ADGRB1: variants seen among roughly 807,000 people sequenced by gnomAD.
The protein encoded by ADGRB1 is adhesion G protein-coupled receptor B1.
In ADGRB1, 36 loss-of-function variants were observed where a neutral mutation model predicts 175.7. The observed-to-expected ratio is 0.20, with a 90% CI of 0.16 to 0.27. ADGRB1 has a LOEUF of 0.27. Ranked by LOEUF, ADGRB1 falls within the 10% of genes least tolerant of loss-of-function variation. The pLI is 1.00. For synonymous variants in ADGRB1, 1,054 were observed against 979.4 expected (o/e 1.08, Z -1.42); for missense variants, 1,731 against 2,255.3 (o/e 0.77, Z 4.71).
chr8:142,480,246 G>A (rs908215622), intron 9 of ADGRB1, among the ~76,000 whole-genome samples: 1 of 152,198 alleles, frequency 6.6e-6, no homozygotes, highest in African/African-American at 2.4e-5. Flanking sequence ...AGGAGTGCAG[G>A]TGCTTTATGT....
At chr8:142,451,011 G>C (rs1286798077) in intron 1 of ADGRB1, among the ~76,000 whole-genome samples, 3 of 152,150 alleles carry the variant, frequency 2.0e-5, no homozygotes, top group Non-Finnish European at 4.4e-5. Context: ...GCGCTAGCTT[G>C]GAGCCGCGCG....
intron 19 of ADGRB1, among the ~76,000 whole-genome samples, chr8:142,518,782 A>G (rs1371322528): frequency 6.6e-6 from 1 of 152,188 alleles, no homozygotes; most frequent in East Asian, 1.9e-4. Context: ...ACGCGCCTCC[A>G]GGCACTCCCC....
intron 9 of ADGRB1, 32 bp from the exon 10 acceptor site, chr8:142,481,222 G>A (rs1235646955): frequency 2.6e-5 from 42 of 1,592,684 alleles, no homozygotes; most frequent in Non-Finnish European, 3.4e-5. Context: ...CAGGCAGCGG[G>A]CATCCACCTG....
At chr8:142,481,467 T>C (rs1373192248) in intron 10 of ADGRB1, 50 bp from the exon 11 acceptor site, 3 of 1,578,776 alleles carry the variant, frequency 1.9e-6, no homozygotes, top group Non-Finnish European at 2.6e-6. Context: ...GGTGGCTGCC[T>C]GGACATGTTC....
Position 142,477,251 on chromosome 8 carries a change from CTGTGCAACAACTCTGCCG to C in ADGRB1, c.1201_1218del (p.Asn401_Cys406del). The C allele has an allele frequency of 6.3e-7, 1 of 1,585,656 alleles. No homozygotes were observed. The highest frequency in any genetic ancestry group is 8.6e-7 in the Non-Finnish European group (1 of 1,167,394). ...CAGCGGACCCCTGCGCGAGCAGCGGCTGTGCAACAACTCTGCCGTGTGCCCAGGTGGGTGGGACCTTGG... is the reference window on the plus strand; with the variant it reads ...CAGCGGACCCCTGCGCGAGCAGCGGCTGTGCCCAGGTGGGTGGGACCTTGG... On this transcript the variant is annotated inframe_deletion, in exon 5 of 31. Transcript: ENST00000517894.
intron 13 of ADGRB1, among the ~76,000 whole-genome samples, chr8:142,487,081 C>T (rs1476373652): frequency 1.3e-5 from 2 of 152,218 alleles, no homozygotes; most frequent in Non-Finnish European, 2.9e-5. Context: ...AACATCAACA[C>T]GACTGATTGC....
Position 142,543,358 on chromosome 8 carries a change from G to A in ADGRB1, c.4414-45G>A, listed in dbSNP as rs768667497. ...CTGAGGCAGGGAGAGGCGTGGACTT[G>A]TCAGGGACCCTTGGCGAATGTTCGC... On this transcript the variant is annotated intron_variant, in intron 28 of 30. Coordinates refer to ENST00000517894, the MANE Select transcript of ADGRB1 (RefSeq NM_001702.3). The surrounding 1 kb of genome is among the most constrained non-coding windows in gnomAD (Gnocchi z 4.4). 1.9e-6 allele frequency: 3 copies of A among 1,611,876 alleles called. No individual in the cohort carries two copies. The highest frequency in any genetic ancestry group is 2.5e-6 in the Non-Finnish European group (3 of 1,178,918).
intron 13 of ADGRB1, among the ~76,000 whole-genome samples, chr8:142,484,986 A>G (rs1398737665): frequency 6.6e-6 from 1 of 152,126 alleles, no homozygotes; most frequent in Non-Finnish European, 1.5e-5. Flanking sequence ...TGGACCTGGG[A>G]GCTCCGTCCC....
In ADGRB1 at chr8:142,484,181, G is replaced by A; in HGVS notation, c.2199+136G>A. 5 of 714,476 alleles carry A rather than the reference G, an allele frequency of 7.0e-6. No individual in the cohort carries two copies. The South Asian group carries it at 7.2e-5, about 10-fold the overall frequency. The allele number at this position is 714,476 out of a possible 1,614,324, so 44.3% of individuals were successfully genotyped here. On this transcript the variant is annotated intron_variant, in intron 12 of 30. Transcript: ENST00000517894. Reference sequence around the variant, plus strand: ...TTGGATCTCAGGATGGTCTCTTGCTGGTGTTGGCAGCACTGAGGAAGCTCA... The same window carrying A: ...TTGGATCTCAGGATGGTCTCTTGCTAGTGTTGGCAGCACTGAGGAAGCTCA...
Position 142,455,583 on chromosome 8 carries a change from G to A in ADGRB1, c.-220+5479G>A, listed in dbSNP as rs1316775123. On this transcript the variant is annotated intron_variant, in intron 1 of 30. Transcript: ENST00000517894. The surrounding 1 kb of genome is among the most constrained non-coding windows in gnomAD (Gnocchi z 4.9). ...GTCAGGAGGACCCAGGGATTACTGG[G>A]AGCTCAGAGACTGGGGTGGACCTTG... is the stretch of plus-strand genomic sequence containing the variant. Among the ~76,000 whole-genome samples, 1 of 152,206 alleles carries A rather than the reference G, an allele frequency of 6.6e-6. No individual in the cohort carries two copies. The highest frequency in any genetic ancestry group is 1.5e-5 in the Non-Finnish European group (1 of 68,040).
At chr8:142,521,693 AGGCCCCTGGCTTAGCATTTGGTGT>A (rs1843859029) in intron 20 of ADGRB1, among the ~76,000 whole-genome samples, 2 of 152,202 alleles carry the variant, frequency 1.3e-5, no homozygotes, top group Admixed American at 1.3e-4. Context: ...ACTTTTGAGA[AGGCCCCTGGCTTAGCATTTGGTGT>A]GGCTATGAAT....
chr8:142,491,658 C>T (rs1321155756), intron 17 of ADGRB1, among the ~76,000 whole-genome samples: 1 of 152,180 alleles, frequency 6.6e-6, no homozygotes, highest in East Asian at 1.9e-4. Context: ...CCCTGCCGCC[C>T]GCCTCCTCCG....
chr8:142,486,209 C>T (rs1841661352), intron 13 of ADGRB1, among the ~76,000 whole-genome samples: 1 of 152,184 alleles, frequency 6.6e-6, no homozygotes, highest in African/African-American at 2.4e-5. Context: ...ACCCCTACAT[C>T]CCTCCCTCAC....
intron 18 of ADGRB1, 95 bp from the exon 19 acceptor site, chr8:142,518,042 AC>A (rs1843546922): frequency 1.7e-6 from 2 of 1,183,542 alleles, no homozygotes; most frequent in South Asian, 2.7e-5. Flanking sequence ...TGGGGGTGTG[AC>A]CCGGGGCTGC....
chr8:142,539,123 T>C (rs1770805673), intron 26 of ADGRB1, among the ~76,000 whole-genome samples: 1 of 152,086 alleles, frequency 6.6e-6, no homozygotes, highest in East Asian at 1.9e-4. Flanking sequence ...TTCACCCACT[T>C]ATACACAGAC....
chr8:142,484,845 C>A, intron 13 of ADGRB1, 81 bp downstream of exon 13: 1 of 1,107,948 alleles, frequency 9.0e-7, no homozygotes, highest in Non-Finnish European at 1.3e-6. Flanking sequence ...GCATCCTCAT[C>A]TGTATAAAGG....
chr8:142,453,578 C>T (rs1839488187), intron 1 of ADGRB1, among the ~76,000 whole-genome samples: 1 of 152,194 alleles, frequency 6.6e-6, no homozygotes, highest in Non-Finnish European at 1.5e-5. Flanking sequence ...GGCCTGGGAT[C>T]CCCCTGTAGA....
intron 13 of ADGRB1, among the ~76,000 whole-genome samples, chr8:142,487,632 G>A (rs1425935092): frequency 6.6e-6 from 1 of 152,158 alleles, no homozygotes; most frequent in African/African-American, 2.4e-5. Context: ...CAGAACAGTG[G>A]GTCCCTGTCA....
At chr8:142,489,769 TG>T (rs1359406839) in intron 16 of ADGRB1, among the ~76,000 whole-genome samples, 3 of 152,100 alleles carry the variant, frequency 2.0e-5, no homozygotes, top group Non-Finnish European at 2.9e-5. Flanking sequence ...CCCTAACGCC[TG>T]GCCACCAAGA....
Sources: gnomAD v4.1 joint callset for allele counts (sites outside exome capture counted in the v4.1 genomes callset) on GRCh38, gnomAD v4.1.1 for gene constraint, Gnocchi (gnomAD v3.1) non-coding constraint, MANE v1.5 for transcripts, NCBI Gene and HGNC (gene_info 2026-07-23, HGNC 2026-07-21) for gene names.